Variants in WLS observed in about 807,000 individuals in gnomAD.
WLS encodes the protein protein wntless homolog.
In WLS, 23 loss-of-function variants were observed where a neutral mutation model predicts 62.8. The ratio of observed to expected loss-of-function variants is 0.37; its 90% CI spans 0.26 to 0.52. The LOEUF (loss-of-function observed/expected upper bound fraction) is 0.52. Among genes scored for constraint, WLS ranks in the 20% least tolerant of loss-of-function variants. WLS has a pLI of 0.92. For synonymous variants in WLS, 246 were observed against 244.1 expected, an observed-to-expected ratio of 1.01 and a Z score of -0.07; for missense variants, 615 against 697.3, an observed-to-expected ratio of 0.88 and a Z score of 1.33.
At chr1:68,182,633 T>C (rs894129909) in intron 2 of WLS, among the ~76,000 whole-genome samples, 1 of 152,140 alleles carries the variant, frequency 6.6e-6, no homozygotes, top group East Asian at 1.9e-4. Flanking sequence ...AGACTGGCCA[T>C]GTAAGCCCAT....
chr1:68,141,167 A>G (rs537652959), intron 10 of WLS, among the ~76,000 whole-genome samples: 1 of 152,264 alleles, frequency 6.6e-6, no homozygotes, highest in South Asian at 2.1e-4. Flanking sequence ...CCAACATTCC[A>G]CTTAACAACA....
chr1:68,098,624 T>C lies in WLS; in HGVS notation c.*8A>G, dbSNP rs376791039. 1.6e-5 allele frequency: 26 copies of C among 1,613,360 alleles called. No individual in the cohort carries two copies. In the African/African-American group the frequency reaches 3.5e-4, roughly 22 times the overall value. On this transcript the variant is annotated 3_prime_UTR_variant, in exon 12 of 12. Transcript: ENST00000354777. The stretch of plus-strand genomic sequence containing the variant: ...GCAAAGCTGATAAACATGTGTTGCC[T>C]TGTTGACTCAAATACCAGAAGCTGC...
intron 2 of WLS, among the ~76,000 whole-genome samples, chr1:68,170,623 C>A (rs928649380): frequency 6.6e-6 from 1 of 152,036 alleles, no homozygotes; most frequent in Non-Finnish European, 1.5e-5. Context: ...GCTTGGCATC[C>A]CCGCTCGTGC....
At chr1:68,131,088 T>TGTGTGTGTG (rs1557462873) in intron 11 of WLS, among the ~76,000 whole-genome samples, 8 of 66,512 alleles carry the variant, frequency 1.2e-4, no homozygotes, top group African/African-American at 2.9e-4. Flanking sequence ...GTGTGTGTGT[T>TGTGTGTGTG]TTTAAGTAGA....
intron 2 of WLS, among the ~76,000 whole-genome samples, chr1:68,164,994 G>A (rs530301927): frequency 6.6e-6 from 1 of 152,272 alleles, no homozygotes; most frequent in South Asian, 2.1e-4. Flanking sequence ...TCCCCACTTA[G>A]TAGCCTCAGT....
At chr1:68,174,996 G>A (rs1647212877) in intron 2 of WLS, among the ~76,000 whole-genome samples, 4 of 152,100 alleles carry the variant, frequency 2.6e-5, no homozygotes, top group Admixed American at 2.0e-4. Flanking sequence ...AAAGGAAAAG[G>A]CATTACATCC....
At chr1:68,181,797 C>T (rs1329260141) in intron 2 of WLS, among the ~76,000 whole-genome samples, 1 of 152,200 alleles carries the variant, frequency 6.6e-6, no homozygotes, top group Admixed American at 6.5e-5. Flanking sequence ...GGGTCAACCA[C>T]CCATTTGCAA....
intron 11 of WLS, among the ~76,000 whole-genome samples, chr1:68,101,383 G>A (rs1646076565): frequency 6.6e-6 from 1 of 152,146 alleles, no homozygotes; most frequent in Admixed American, 6.5e-5. Flanking sequence ...TTGAAGAAAG[G>A]AGGCCGCCCC....
At chr1:68,148,866 T>C (rs1410503560) in intron 6 of WLS, among the ~76,000 whole-genome samples, 3 of 151,992 alleles carry the variant, frequency 2.0e-5, no homozygotes, top group Non-Finnish European at 4.4e-5. Flanking sequence ...ACGTAGAACA[T>C]GACAAAGCCC....
chr1:68,103,105 G>T (rs905109679), intron 11 of WLS, among the ~76,000 whole-genome samples: 1 of 152,142 alleles, frequency 6.6e-6, no homozygotes, highest in Non-Finnish European at 1.5e-5. Flanking sequence ...CGCTCTTTCT[G>T]CTCCCACCAG....
At chr1:68,151,842 G>A (rs1646830659) in intron 5 of WLS, among the ~76,000 whole-genome samples, 1 of 152,184 alleles carries the variant, frequency 6.6e-6, no homozygotes, top group South Asian at 2.1e-4. Context: ...GCTTTGAGCA[G>A]AGGGGTGACA....
intron 2 of WLS, chr1:68,163,123 A>C: frequency 7.0e-7 from 1 of 1,432,886 alleles, no homozygotes; most frequent in Non-Finnish European, 9.7e-7. Flanking sequence ...TCAGATCAAA[A>C]GGCAAAGCAG....
chr1:68,167,014 C>A (rs1464119638), intron 2 of WLS, among the ~76,000 whole-genome samples: 1 of 152,094 alleles, frequency 6.6e-6, no homozygotes. Context: ...TGATATCACT[C>A]CTCACCCCCA....
intron 2 of WLS, chr1:68,161,855 C>T: frequency 6.2e-7 from 1 of 1,607,046 alleles, no homozygotes; most frequent in East Asian, 2.2e-5. Context: ...TTGTGAGTCA[C>T]TGGGATGCCT....
chr1:68,162,374 A>C lies in WLS; in HGVS notation c.380-3127T>G, dbSNP rs1325567275. On this transcript the variant is annotated intron_variant, in intron 2 of 11. Transcript: ENST00000262348. ...TGTTCGTTGAGATTGCAGTGCAAGG[A>C]GACGCAGTCGCTCTGATACAGCAAA... is the stretch of plus-strand genomic sequence containing the variant. The C allele has an allele frequency of 8.7e-6, 14 of 1,613,870 alleles. No homozygotes were observed. The East Asian group carries it at 2.9e-4, about 33-fold the overall frequency.
In WLS at chr1:68,159,222, G is replaced by A. The variant is rs1159698998; in HGVS notation, c.405C>T (p.Asp135=). The change falls in exon 3 of 12, where the codon GAC becomes GAT. Residue 135 remains aspartate, a synonymous_variant. Coordinates refer to ENST00000262348, the MANE Select transcript of WLS (RefSeq NM_024911.7). ...QIRENAEVSM[D]VSLAYRDDAF... ...CGTCATCACGGTAAGCCAGGGAAAC[G>A]TCCATGGAGACTTCTGCATTTTCTC... The A allele has an allele frequency of 5.0e-6, 8 of 1,613,800 alleles. No homozygotes were observed. The highest frequency in any genetic ancestry group is 2.7e-5 in the African/African-American group (2 of 74,880).
intron 2 of WLS, among the ~76,000 whole-genome samples, chr1:68,170,713 C>G (rs889985442): frequency 6.6e-6 from 1 of 151,884 alleles, no homozygotes; most frequent in Non-Finnish European, 1.5e-5. Flanking sequence ...ATATGGCACC[C>G]CCCCCTTGCT....
chr1:68,112,122 G>A (rs960084300), intron 11 of WLS, among the ~76,000 whole-genome samples: 2 of 152,222 alleles, frequency 1.3e-5, no homozygotes, highest in African/African-American at 4.8e-5. Flanking sequence ...GCGCCAGCCT[G>A]TGCAGATGTC....
intron 1 of WLS, among the ~76,000 whole-genome samples, chr1:68,199,933 A>C (rs970832963): frequency 5.3e-5 from 8 of 152,188 alleles, no homozygotes; most frequent in African/African-American, 1.9e-4. Context: ...CTCAGTCATC[A>C]GGTAATAATA....
Sources: allele counts gnomAD v4.1 joint callset (sites outside exome capture counted in the v4.1 genomes callset), GRCh38; gene constraint gnomAD v4.1.1; transcripts MANE v1.5; gene names NCBI Gene and HGNC (gene_info 2026-07-23, HGNC 2026-07-21).